Variants in EIF4E observed in about 807,000 individuals in gnomAD.
EIF4E encodes the protein eIF-4F 25 kDa subunit.
For missense variants in EIF4E, 113 were observed against 265.6 expected, an observed-to-expected ratio of 0.43 and a Z score of 3.99; for synonymous variants, 71 against 88.5, an observed-to-expected ratio of 0.80 and a Z score of 1.11.
At chr4:98,923,205 A>G (rs1312778519) in intron 1 of EIF4E, among the ~76,000 whole-genome samples, 2 of 119,822 alleles carry the variant, frequency 1.7e-5, no homozygotes, top group African/African-American at 9.8e-5. Context: ...CTGGGGAAAC[A>G]AAAAAAAAAA....
chr4:98,891,147 C>G, intron 3 of EIF4E, 90 bp downstream of exon 3: 3 of 1,379,434 alleles, frequency 2.2e-6, no homozygotes, highest in Non-Finnish European at 3.1e-6. Flanking sequence ...AACTGTTTAA[C>G]TCACACTTCA....
chr4:98,903,888 T>A (rs1415952991), intron 1 of EIF4E, among the ~76,000 whole-genome samples: 1 of 152,208 alleles, frequency 6.6e-6, no homozygotes, highest in Admixed American at 6.5e-5. Flanking sequence ...AATTACTGAA[T>A]GACATTTCCT....
At chr4:98,895,928 T>C (rs1724360533) in intron 2 of EIF4E, among the ~76,000 whole-genome samples, 1 of 152,176 alleles carries the variant, frequency 6.6e-6, no homozygotes, top group African/African-American at 2.4e-5. Flanking sequence ...CTGGGCGCAG[T>C]GGCTCACGCC....
intron 2 of EIF4E, among the ~76,000 whole-genome samples, chr4:98,892,064 G>C (rs1724162209): frequency 6.6e-6 from 1 of 152,172 alleles, no homozygotes; most frequent in African/African-American, 2.4e-5. Context: ...AAACACAGCA[G>C]AGCTGGGCGC....
chr4:98,917,814 A>C (rs1725448468), intron 1 of EIF4E, among the ~76,000 whole-genome samples: 1 of 152,158 alleles, frequency 6.6e-6, no homozygotes, highest in African/African-American at 2.4e-5. Flanking sequence ...GATGGCTCAC[A>C]CCTGTAATCA....
chr4:98,883,431 C>T (rs1723785052), intron 6 of EIF4E, among the ~76,000 whole-genome samples: 1 of 125,706 alleles, frequency 8.0e-6, no homozygotes, highest in African/African-American at 3.0e-5. Flanking sequence ...GACAGTCTCG[C>T]TCTGTCTCCC....
intron 1 of EIF4E, among the ~76,000 whole-genome samples, chr4:98,906,546 C>T (rs554497787): frequency 3.9e-4 from 60 of 152,196 alleles, no homozygotes; most frequent in Admixed American, 1.1e-3. Context: ...GGCATGGTGG[C>T]TCATCCCTGT....
intron 2 of EIF4E, among the ~76,000 whole-genome samples, chr4:98,891,989 G>A (rs1347516543): frequency 6.6e-6 from 1 of 152,150 alleles, no homozygotes; most frequent in Non-Finnish European, 1.5e-5. Context: ...CAGAAATGAC[G>A]CAGAGAGACA....
intron 1 of EIF4E, among the ~76,000 whole-genome samples, chr4:98,915,052 TC>T (rs1181295886): frequency 6.6e-6 from 1 of 152,130 alleles, no homozygotes; most frequent in Non-Finnish European, 1.5e-5. Context: ...CAATCAATCC[TC>T]CCGCCTCAGC....
At chr4:98,901,187 AC>A (rs1192523996) in intron 2 of EIF4E, among the ~76,000 whole-genome samples, 1 of 148,956 alleles carries the variant, frequency 6.7e-6, no homozygotes, top group Non-Finnish European at 1.5e-5. Flanking sequence ...GGTTTCCATG[AC>A]CACCACTGTC....
intron 2 of EIF4E, among the ~76,000 whole-genome samples, chr4:98,899,832 GGAGTGAA>G (rs1248811249): frequency 6.6e-6 from 1 of 152,026 alleles, no homozygotes; most frequent in African/African-American, 2.4e-5. Flanking sequence ...ACTACTCTGG[GGAGTGAA>G]GAAAGTAAAA....
chr4:98,927,367 T>G (rs1300572629), intron 1 of EIF4E, among the ~76,000 whole-genome samples: 1 of 152,098 alleles, frequency 6.6e-6, no homozygotes, highest in Non-Finnish European at 1.5e-5. Context: ...ATAAAAGTCT[T>G]TAAAAGTGCC....
At chr4:98,884,712 T>C (rs1456925273) in intron 6 of EIF4E, among the ~76,000 whole-genome samples, 1 of 150,898 alleles carries the variant, frequency 6.6e-6, no homozygotes, top group Non-Finnish European at 1.5e-5. Flanking sequence ...TATCTCTAAA[T>C]AAATAAATAA....
At position 98,887,311 on chromosome 4, in the gene EIF4E, G is replaced by A; in HGVS notation, c.286-119C>T. ...TTCTTACTTTATTGCCCATAAAACT[G>A]CCATTGATGTAGTTTTTAAACAGCA... On this transcript the variant is annotated intron_variant, in intron 4 of 6. Coordinates refer to ENST00000450253, the MANE Select transcript of EIF4E (RefSeq NM_001968.5). The surrounding 1 kb of genome is among the most constrained non-coding windows in gnomAD (Gnocchi z 4.0). 5.8e-6 allele frequency: 6 copies of A among 1,030,314 alleles called. No homozygotes were observed. In the South Asian group the frequency reaches 7.6e-5, roughly 13 times the overall value. The allele number at this position is 1,030,314 out of a possible 1,614,324, so 63.8% of individuals were successfully genotyped here. A position where few individuals can be genotyped will look rare whatever the true frequency, so the allele number is the denominator to read the frequency against.
intron 1 of EIF4E, among the ~76,000 whole-genome samples, chr4:98,908,061 G>A (rs1724954375): frequency 6.6e-6 from 1 of 152,118 alleles, no homozygotes; most frequent in South Asian, 2.1e-4. Flanking sequence ...TCATATCCCA[G>A]TAATATCTGA....
In EIF4E at chr4:98,883,016, T is replaced by A. The variant is rs534731727; in HGVS notation, c.540-1874A>T. 6.6e-5 allele frequency among the ~76,000 whole-genome samples: 10 copies of A among 152,304 alleles called. No homozygotes were observed. The East Asian group carries it at 1.9e-3, about 29-fold the overall frequency. ...TAAAAATTTACATGGCTGAGAGCAA[T>A]GGATCACGCCTGAAATCCCAGCACT... On this transcript the variant is annotated intron_variant, in intron 6 of 6. Transcript: ENST00000450253.
In EIF4E at chr4:98,927,654, CAAAAAAAAAAAAAAAAA is replaced by C. The variant is rs774720176; in HGVS notation, c.18+1424_18+1440del. ...TGGGCGACAAAGCAAGACTCCATCT[CAAAAAAAAAAAAAAAAA>C]AAAAAAAAAAAAAAAGTCTTTAAAA... On this transcript the variant is annotated intron_variant, in intron 1 of 6. Transcript: ENST00000450253. 1.3e-3 allele frequency among the ~76,000 whole-genome samples: 44 copies of C among 35,094 alleles called. No individual in the cohort carries two copies. The Middle Eastern group carries it at 0.14, about 109-fold the overall frequency. 23.0% of individuals were successfully genotyped at this position (35,094 alleles called of 152,430 possible).
At chr4:98,886,732 TA>T in intron 5 of EIF4E, 1 of 342,924 alleles carries the variant, frequency 2.9e-6, no homozygotes, top group South Asian at 2.4e-5. Context: ...TATAAGTATT[TA>T]AAAGTTTAGT....
At chr4:98,924,319 T>A (rs1036919083) in intron 1 of EIF4E, among the ~76,000 whole-genome samples, 35 of 152,188 alleles carry the variant, frequency 2.3e-4, no homozygotes, top group Admixed American at 6.5e-4. Context: ...CCTGGTGATC[T>A]ACCCACCTCG....
Sources: gnomAD v4.1 joint callset for allele counts (sites outside exome capture counted in the v4.1 genomes callset) on GRCh38, gnomAD v4.1.1 for gene constraint, Gnocchi (gnomAD v3.1) non-coding constraint, MANE v1.5 for transcripts, NCBI Gene and HGNC (gene_info 2026-07-23, HGNC 2026-07-21) for gene names.